The following FIG4 variants were observed in gnomAD, a reference collection of about 807,000 sequenced individuals.
The protein encoded by FIG4 is FIG4 phosphoinositide 5-phosphatase.
FIG4 carries 112 observed loss-of-function variants against 118.6 expected under a neutral mutation model. The observed-to-expected ratio is 0.94, with a 90% CI of 0.81 to 1.11. The LOEUF is 1.11. Ranked by LOEUF, FIG4 falls within the 50% of genes least tolerant of loss-of-function variation. FIG4 has a pLI of 0.00. For synonymous variants in FIG4, 369 were observed against 381.2 expected, an observed-to-expected ratio of 0.97 and a Z score of 0.37; for missense variants, 969 against 1,111.7, an observed-to-expected ratio of 0.87 and a Z score of 1.83.
chr6:109,769,042 C>T (rs1777367580), intron 15 of FIG4, among the ~76,000 whole-genome samples: 1 of 151,906 alleles, frequency 6.6e-6, no homozygotes, highest in African/African-American at 2.4e-5. Context: ...GTTCTTTTGC[C>T]CTCTCCTGTG....
At position 109,789,605 on chromosome 6, in the gene FIG4, CT is replaced by C; in HGVS notation, c.2109del (p.Lys704ArgfsTer76). 1.2e-6 allele frequency: 2 copies of C among 1,613,024 alleles called. No individual in the cohort carries two copies. The highest frequency in any genetic ancestry group is 1.7e-6 in the Non-Finnish European group (2 of 1,179,182). Reference protein sequence around the residue: ...AMTSSARDFMPKTVGIDPSPF... With the variant: ...AMTSSARDFMXKTVGIDPSPF... ...TCACCTTTCTTTAGTGACTTTATGC[CT>C]AAGACCGTTGGAATTGATCCAAGTC... On this transcript the variant is annotated frameshift_variant, in exon 19 of 23. Transcript: ENST00000230124. LOFTEE classifies it high-confidence loss of function.
chr6:109,763,281 A>T (rs534812859), intron 12 of FIG4, among the ~76,000 whole-genome samples: 1 of 152,380 alleles, frequency 6.6e-6, no homozygotes, highest in East Asian at 1.9e-4. Flanking sequence ...GTTGCCAGAC[A>T]TTGGCCAAGG....
chr6:109,796,021 A>T (rs1228093337), intron 21 of FIG4, among the ~76,000 whole-genome samples: 1 of 152,214 alleles, frequency 6.6e-6, no homozygotes, highest in East Asian at 1.9e-4. Context: ...TCCAGCAGAT[A>T]TGCACTCCAG....
intron 10 of FIG4, among the ~76,000 whole-genome samples, chr6:109,755,629 G>C (rs948809751): frequency 2.0e-4 from 30 of 152,196 alleles, no homozygotes; most frequent in African/African-American, 7.0e-4. Flanking sequence ...TCCTGTATTG[G>C]GTGCATATAT....
At chr6:109,696,416 A>G (rs1774721362) in intron 1 of FIG4, among the ~76,000 whole-genome samples, 1 of 152,266 alleles carries the variant, frequency 6.6e-6, no homozygotes, top group Non-Finnish European at 1.5e-5. Flanking sequence ...GGAAATCAGT[A>G]TGTCAAAGAC....
intron 4 of FIG4, among the ~76,000 whole-genome samples, chr6:109,731,140 C>G (rs1775987752): frequency 6.6e-6 from 1 of 152,158 alleles, no homozygotes; most frequent in South Asian, 2.1e-4. Context: ...CCATTTTATT[C>G]TCATTAGTCA....
At chr6:109,691,790 CT>C (rs1226643652) in intron 1 of FIG4, among the ~76,000 whole-genome samples, 2 of 152,302 alleles carry the variant, frequency 1.3e-5, no homozygotes, top group East Asian at 1.9e-4. Flanking sequence ...TCATGAGGTT[CT>C]CTGTACGAGT....
intron 3 of FIG4, among the ~76,000 whole-genome samples, chr6:109,718,488 T>C (rs1257318708): frequency 1.3e-5 from 2 of 152,246 alleles, no homozygotes; most frequent in Non-Finnish European, 2.9e-5. Flanking sequence ...TATGAAAACT[T>C]TGATTATATT....
intron 1 of FIG4, among the ~76,000 whole-genome samples, chr6:109,712,054 T>C (rs1483374342): frequency 6.6e-6 from 1 of 152,240 alleles, no homozygotes; most frequent in Non-Finnish European, 1.5e-5. Context: ...AGTTGGAAAT[T>C]CTTTTCTTCA....
At chr6:109,807,882 T>C (rs1187091982) in intron 22 of FIG4, among the ~76,000 whole-genome samples, 2 of 152,314 alleles carry the variant, frequency 1.3e-5, no homozygotes, top group East Asian at 3.9e-4. Flanking sequence ...CCCCATTGCT[T>C]GTTTTGTCAG....
intron 18 of FIG4, among the ~76,000 whole-genome samples, chr6:109,788,157 C>A (rs1313189752): frequency 6.6e-6 from 1 of 152,158 alleles, no homozygotes; most frequent in Admixed American, 6.5e-5. Context: ...GTACTAAATA[C>A]ATATTCAAGT....
At chr6:109,719,774 G>T (rs2128382234) in intron 3 of FIG4, among the ~76,000 whole-genome samples, 1 of 152,202 alleles carries the variant, frequency 6.6e-6, no homozygotes, top group African/African-American at 2.4e-5. Flanking sequence ...ATGGCCTCTA[G>T]ACTGCTGGAC....
In FIG4 at chr6:109,710,447, A is replaced by T. The variant is rs184798135; in HGVS notation, c.67-4631A>T. ...TGTTGTATCTCTAACAGGTTTTGTT[A>T]TCAGGATGATGCTGGCCTCATAGAA... On this transcript the variant is annotated intron_variant, in intron 1 of 22. Transcript: ENST00000230124. Among the ~76,000 whole-genome samples, 4 of 152,342 alleles carry T rather than the reference A, an allele frequency of 2.6e-5. No individual in the cohort carries two copies. In the East Asian group the frequency reaches 5.8e-4, roughly 22 times the overall value.
At chr6:109,750,404 C>T (rs1028587922) in intron 10 of FIG4, among the ~76,000 whole-genome samples, 4 of 152,086 alleles carry the variant, frequency 2.6e-5, no homozygotes, top group Non-Finnish European at 5.9e-5. Flanking sequence ...GGGAAACAGG[C>T]GGGAGGCTTG....
chr6:109,746,083 T>A (rs1776487621), intron 10 of FIG4, among the ~76,000 whole-genome samples: 1 of 152,096 alleles, frequency 6.6e-6, no homozygotes, highest in Non-Finnish European at 1.5e-5. Context: ...GCCTCAGCAA[T>A]AACACCACAC....
At chr6:109,754,135 A>G (rs940830906) in intron 10 of FIG4, among the ~76,000 whole-genome samples, 6 of 152,166 alleles carry the variant, frequency 3.9e-5, no homozygotes, top group African/African-American at 4.8e-5. Context: ...ATTTATTGAG[A>G]GTTTTTAGCA....
chr6:109,711,115 T>C (rs1775245594), intron 1 of FIG4, among the ~76,000 whole-genome samples: 8 of 152,096 alleles, frequency 5.3e-5, no homozygotes, highest in Admixed American at 5.2e-4. Flanking sequence ...CTTGCTTTAT[T>C]ATGGCCAGGT....
At chr6:109,820,780 C>T (rs998860536) in intron 22 of FIG4, among the ~76,000 whole-genome samples, 6 of 152,138 alleles carry the variant, frequency 3.9e-5, no homozygotes, top group African/African-American at 1.4e-4. Flanking sequence ...AAACCAGGCA[C>T]CTACAGACAA....
chr6:109,786,634 A>T (rs1417695971), intron 18 of FIG4, among the ~76,000 whole-genome samples, 185 bp downstream of exon 18: 1 of 152,020 alleles, frequency 6.6e-6, no homozygotes, highest in Non-Finnish European at 1.5e-5. Context: ...CTATTGTTCT[A>T]TTGACAGTTG....
Sources: allele counts gnomAD v4.1 joint callset (sites outside exome capture counted in the v4.1 genomes callset), GRCh38; gene constraint gnomAD v4.1.1; transcripts MANE v1.5; gene names NCBI Gene and HGNC (gene_info 2026-07-23, HGNC 2026-07-21).